CACNG4: variants seen among roughly 807,000 people sequenced by gnomAD.
CACNG4 encodes the protein voltage-dependent calcium channel gamma-4 subunit.
In CACNG4, 8 loss-of-function variants were observed where a neutral mutation model predicts 22.9. That is an observed-to-expected ratio of 0.35 (90% confidence interval 0.21 to 0.63). CACNG4 has a LOEUF of 0.63. Among genes scored for constraint, CACNG4 ranks in the 30% least tolerant of loss-of-function variants. The pLI is 0.72. For missense variants in CACNG4, 357 were observed against 455.4 expected, an observed-to-expected ratio of 0.78 and a Z score of 1.97; for synonymous variants, 188 against 191.9, an observed-to-expected ratio of 0.98 and a Z score of 0.17.
chr17:67,005,652 T>C (rs1021518133), intron 1 of CACNG4, among the ~76,000 whole-genome samples: 3 of 152,236 alleles, frequency 2.0e-5, no homozygotes, highest in African/African-American at 7.2e-5. Context: ...GAGTGGATTT[T>C]GTATCAGAGT....
chr17:67,021,109 G>A (rs909864282), intron 2 of CACNG4, among the ~76,000 whole-genome samples: 6 of 152,180 alleles, frequency 3.9e-5, no homozygotes, highest in African/African-American at 1.2e-4. Context: ...GCTAAGGTGG[G>A]CGGATCATTT....
intron 1 of CACNG4, among the ~76,000 whole-genome samples, chr17:66,985,434 G>A (rs1298913721): frequency 6.6e-6 from 1 of 152,204 alleles, no homozygotes; most frequent in Non-Finnish European, 1.5e-5. Flanking sequence ...AGCAAGAAAA[G>A]AAAGGAGTGT....
rs192266283 is a variant in CACNG4, at chr17:67,015,173, C to T, written c.221-3016C>T. Reference sequence around the variant, plus strand: ...GAAACAAACAATGCAGCATCCATGCCGCAGAATTCCGCTCAGAAATAACAC... The same window carrying T: ...GAAACAAACAATGCAGCATCCATGCTGCAGAATTCCGCTCAGAAATAACAC... On this transcript the variant is annotated intron_variant, in intron 1 of 3. Coordinates refer to ENST00000262138, the MANE Select transcript of CACNG4 (RefSeq NM_014405.4). Among the ~76,000 whole-genome samples, 195 of 152,222 alleles carry T rather than the reference C, an allele frequency of 1.3e-3. 1 individual carries two copies. Among genetic ancestry groups the T allele is most frequent in the African/African-American group, 4.5e-3 (188 of 41,538 alleles).
intron 3 of CACNG4, among the ~76,000 whole-genome samples, chr17:67,025,845 A>T (rs2035561300): frequency 6.6e-6 from 1 of 152,250 alleles, no homozygotes; most frequent in Non-Finnish European, 1.5e-5. Flanking sequence ...CAGCCACTGC[A>T]GCCTTAGAGG....
rs1277960379 is a variant in CACNG4, at chr17:67,033,008, G to T, written c.*2004G>T. 1 of 152,980 alleles carries T rather than the reference G, an allele frequency of 6.5e-6. No homozygotes were observed. The highest frequency in any genetic ancestry group is 2.4e-5 in the African/African-American group (1 of 41,442). The allele number at this position is 152,980 out of a possible 1,614,324, so 9.5% of individuals were successfully genotyped here. A position where few individuals can be genotyped will look rare whatever the true frequency, so the allele number is the denominator to read the frequency against. ...TCTATCATTCCATGGAGAAAGCTGT[G>T]TTCCAATGAATCCTACCTCTTGCCC... On this transcript the variant is annotated 3_prime_UTR_variant, in exon 4 of 4. Transcript: ENST00000262138.
rs748144448 is a variant in CACNG4 at position 66,965,069 on chromosome 17, C to A, written c.158C>A (p.Pro53Gln). The change falls in exon 1 of 4, where the codon CCG (proline) becomes CAG (glutamine). Residue 53 changes from proline (P) to glutamine (Q), a missense_variant. Transcript: ENST00000262138. ...AACCTGACCATGGACGACGGGCCCC[C>A]GCCCCGCCGCGCCCGCGGCGACCTC... is the stretch of plus-strand genomic sequence containing the variant. ...GTNLTMDDGP[P>Q]PRRARGDLTH... 17 of 1,586,124 alleles carry A rather than the reference C, an allele frequency of 1.1e-5. No homozygotes were observed. Among genetic ancestry groups the A allele is most frequent in the Non-Finnish European group, 1.4e-5 (16 of 1,166,868 alleles).
intron 1 of CACNG4, among the ~76,000 whole-genome samples, chr17:67,004,247 A>G (rs1265447766): frequency 1.3e-5 from 2 of 152,224 alleles, no homozygotes; most frequent in Non-Finnish European, 2.9e-5. Context: ...CTGAATACCC[A>G]TTCCCCTGTG....
At chr17:66,979,745 CTT>C (rs35942551) in intron 1 of CACNG4, among the ~76,000 whole-genome samples, 204 of 91,990 alleles carry the variant, frequency 2.2e-3, no homozygotes, top group Non-Finnish European at 2.9e-3. Context: ...TCTTTTCATG[CTT>C]TTTTTTTTTT....
chr17:67,026,104 G>T (rs946643847), intron 3 of CACNG4, among the ~76,000 whole-genome samples: 2 of 151,214 alleles, frequency 1.3e-5, no homozygotes, highest in African/African-American at 4.9e-5. Flanking sequence ...TGTGTGAAGA[G>T]TGTGGGATGT....
At chr17:66,993,373 C>T (rs1392868152) in intron 1 of CACNG4, among the ~76,000 whole-genome samples, 1 of 152,206 alleles carries the variant, frequency 6.6e-6, no homozygotes, top group Non-Finnish European at 1.5e-5. Flanking sequence ...AGGCTTTGCT[C>T]CTGCCACTGA....
chr17:66,985,269 GATTCATTC>G (rs775300946), intron 1 of CACNG4, among the ~76,000 whole-genome samples: 1 of 152,200 alleles, frequency 6.6e-6, no homozygotes, highest in East Asian at 1.9e-4. Flanking sequence ...GGCACTCCCA[GATTCATTC>G]ATTCATTCAT....
Position 67,031,164 on chromosome 17 carries a change from G to A in CACNG4, c.*160G>A. 4.0e-6 allele frequency: 3 copies of A among 754,594 alleles called. No homozygotes were observed. The highest frequency in any genetic ancestry group is 6.4e-6 in the Non-Finnish European group (3 of 466,678). 46.7% of individuals were successfully genotyped at this position (754,594 alleles called of 1,614,324 possible). ...CGTGGGCTGGCTTTGCACGAAGGTT[G>A]TGCTGGGAGACCGGACCCGGGGCTG... On this transcript the variant is annotated 3_prime_UTR_variant, in exon 4 of 4. Transcript: ENST00000262138. This position sits in a 1 kb window ranked among gnomAD's most constrained non-coding sequence, Gnocchi z 4.0.
intron 1 of CACNG4, among the ~76,000 whole-genome samples, chr17:66,983,854 G>T (rs2035290673): frequency 6.6e-6 from 1 of 152,184 alleles, no homozygotes; most frequent in Admixed American, 6.5e-5. Context: ...TAGAAAAACA[G>T]GCTGATCATA....
chr17:67,030,909 G>A lies in CACNG4; in HGVS notation c.889G>A (p.Glu297Lys). 6.2e-7 allele frequency: 1 copy of A among 1,613,146 alleles called. No homozygotes were observed. Among genetic ancestry groups the A allele is most frequent in the Non-Finnish European group, 8.5e-7 (1 of 1,180,018 alleles). ...CGCAGCCAGCTACAGCCCCGACCAG[G>A]AGGCCAGCTTCCTGCAGGTGCATGA... ...TTAASYSPDQ[E>K]ASFLQVHDFF... is the part of the protein sequence containing the mutation. Residue 297 changes from glutamate (E) to lysine (K), a missense_variant, in exon 4 of 4, where the codon GAG (glutamate) becomes AAG (lysine). Coordinates refer to ENST00000262138, the MANE Select transcript of CACNG4 (RefSeq NM_014405.4). This position sits in a 1 kb window ranked among gnomAD's most constrained non-coding sequence, Gnocchi z 6.4.
chr17:66,969,047 G>A (rs2035188512), intron 1 of CACNG4, among the ~76,000 whole-genome samples: 1 of 152,072 alleles, frequency 6.6e-6, no homozygotes, highest in South Asian at 2.1e-4. Flanking sequence ...TTTCTTCAAG[G>A]TTTATCAAAG....
intron 1 of CACNG4, among the ~76,000 whole-genome samples, chr17:67,016,737 T>C (rs528337129): frequency 2.6e-5 from 4 of 152,222 alleles, no homozygotes; most frequent in African/African-American, 4.8e-5. Flanking sequence ...TTGTCTGACA[T>C]GGATAGGACG....
At chr17:66,985,371 A>G (rs2035299157) in intron 1 of CACNG4, among the ~76,000 whole-genome samples, 1 of 152,200 alleles carries the variant, frequency 6.6e-6, no homozygotes, top group Admixed American at 6.5e-5. Context: ...AGCAGAGAAT[A>G]AAACAGACAG....
intron 3 of CACNG4, among the ~76,000 whole-genome samples, chr17:67,028,228 T>C (rs1282661933): frequency 6.6e-6 from 1 of 151,882 alleles, no homozygotes. Flanking sequence ...ACGTGGACGG[T>C]GCAGAGACAA....
intron 1 of CACNG4, among the ~76,000 whole-genome samples, chr17:67,016,754 C>A (rs967408609): frequency 2.0e-5 from 3 of 152,154 alleles, no homozygotes; most frequent in African/African-American, 7.2e-5. Flanking sequence ...GACGTGGCGG[C>A]AACACCCTGT....
Sources: allele counts gnomAD v4.1 joint callset (sites outside exome capture counted in the v4.1 genomes callset), GRCh38; gene constraint gnomAD v4.1.1; non-coding constraint Gnocchi (gnomAD v3.1); transcripts MANE v1.5; gene names NCBI Gene and HGNC (gene_info 2026-07-23, HGNC 2026-07-21).